Variants in RAB27B observed in about 807,000 individuals in gnomAD.
RAB27B encodes the protein RAB27B, member RAS oncogene family.
RAB27B carries 15 observed loss-of-function variants against 24.6 expected under a neutral mutation model. The ratio of observed to expected loss-of-function variants is 0.61; its 90% CI spans 0.41 to 0.94. RAB27B has a LOEUF of 0.94. Among genes scored for constraint, RAB27B ranks in the 40% least tolerant of loss-of-function variants. RAB27B has a pLI of 0.00. For missense variants in RAB27B, 261 were observed against 266.8 expected, an observed-to-expected ratio of 0.98 and a Z score of 0.15; for synonymous variants, 105 against 92.5, an observed-to-expected ratio of 1.14 and a Z score of -0.78.
chr18:54,776,412 T>G (rs927783296), intron 2 of RAB27B, among the ~76,000 whole-genome samples: 4 of 152,182 alleles, frequency 2.6e-5, no homozygotes, highest in African/African-American at 9.7e-5. Context: ...CAGGGATCAG[T>G]AAAGCCCAAC....
chr18:54,752,260 C>G (rs1021211192), intron 2 of RAB27B, among the ~76,000 whole-genome samples: 1 of 152,146 alleles, frequency 6.6e-6, no homozygotes, highest in African/African-American at 2.4e-5. Context: ...TTGGTTCATT[C>G]AGGCTTATGG....
intron 2 of RAB27B, among the ~76,000 whole-genome samples, chr18:54,743,619 T>C (rs1420485151): frequency 6.6e-6 from 1 of 152,126 alleles, no homozygotes; most frequent in East Asian, 1.9e-4. Context: ...GGATGCCTGG[T>C]CCTTGCATAG....
At chr18:54,767,406 T>G (rs1908398226) in intron 2 of RAB27B, among the ~76,000 whole-genome samples, 1 of 152,168 alleles carries the variant, frequency 6.6e-6, no homozygotes, top group Admixed American at 6.6e-5. Context: ...GGTGAGGTAA[T>G]GGTCATGAGG....
chr18:54,855,338 A>T (rs1159589036), intron 1 of RAB27B, among the ~76,000 whole-genome samples: 3 of 152,130 alleles, frequency 2.0e-5, no homozygotes, highest in Non-Finnish European at 4.4e-5. Context: ...GCCACTGACC[A>T]ATGGGACCAT....
intron 1 of RAB27B, among the ~76,000 whole-genome samples, chr18:54,850,333 G>GAGATATATATATATATATATAT (rs869079784): frequency 6.3e-5 from 6 of 95,172 alleles, no homozygotes; most frequent in African/African-American, 2.8e-4. Flanking sequence ...AAACAAACAG[G>GAGATATATATATATATATATAT]ATATATATAT....
intron 3 of RAB27B, among the ~76,000 whole-genome samples, chr18:54,882,476 A>G (rs1912963987): frequency 6.6e-6 from 1 of 152,204 alleles, no homozygotes; most frequent in Non-Finnish European, 1.5e-5. Context: ...ACAGGAAAAC[A>G]AAGACATAGG....
intron 2 of RAB27B, among the ~76,000 whole-genome samples, chr18:54,781,412 C>T (rs1598899956): frequency 6.6e-6 from 1 of 151,978 alleles, no homozygotes; most frequent in Non-Finnish European, 1.5e-5. Context: ...TTTGACCACA[C>T]TTTATTAGTA....
At chr18:54,847,686 A>C (rs1166195048) in intron 1 of RAB27B, among the ~76,000 whole-genome samples, 3 of 152,210 alleles carry the variant, frequency 2.0e-5, no homozygotes, top group Admixed American at 6.5e-5. Context: ...TGAGTAAACA[A>C]ACGTTCAGAA....
At chr18:54,788,623 A>G (rs1047261532) in intron 2 of RAB27B, among the ~76,000 whole-genome samples, 2 of 152,196 alleles carry the variant, frequency 1.3e-5, no homozygotes, top group African/African-American at 2.4e-5. Context: ...TTTGAGAACA[A>G]CAAGTCTACA....
intron 2 of RAB27B, among the ~76,000 whole-genome samples, chr18:54,750,506 A>G (rs1907798069): frequency 6.6e-6 from 1 of 152,126 alleles, no homozygotes; most frequent in Non-Finnish European, 1.5e-5. Flanking sequence ...CACTAAAGAA[A>G]CAAAGACCCA....
At chr18:54,828,025 T>C (rs895671238), upstream of RAB27B, among the ~76,000 whole-genome samples, 1 of 152,232 alleles carries the variant, frequency 6.6e-6, no homozygotes, top group East Asian at 1.9e-4. Context: ...TACTGATTAA[T>C]GCATTCATAC....
chr18:54,834,185 A>G (rs1469236097), intron 1 of RAB27B, among the ~76,000 whole-genome samples: 2 of 152,262 alleles, frequency 1.3e-5, no homozygotes, highest in East Asian at 1.9e-4. Flanking sequence ...TAGCTGCCAT[A>G]TAAAGCAAAT....
chr18:54,834,782 A>G (rs1910829752), intron 1 of RAB27B, among the ~76,000 whole-genome samples: 1 of 151,998 alleles, frequency 6.6e-6, no homozygotes, highest in African/African-American at 2.4e-5. Flanking sequence ...CGTTTAGGGA[A>G]AAAGCATAAG....
chr18:54,797,157 A>T (rs8088141), intron 2 of RAB27B, among the ~76,000 whole-genome samples: 66,148 of 152,106 alleles, frequency 0.43, 15,792 homozygotes, highest in Middle Eastern at 0.56. Flanking sequence ...TTGAGTGCAA[A>T]TGTGTGCACA....
intron 4 of RAB27B, 146 bp from the exon 5 acceptor site, chr18:54,887,849 T>A: frequency 1.2e-6 from 1 of 831,672 alleles, no homozygotes; most frequent in Non-Finnish European, 1.8e-6. Flanking sequence ...ACATTGTGAC[T>A]GGGAAGAGGA....
At chr18:54,813,523 G>A (rs150438819) in intron 2 of RAB27B, among the ~76,000 whole-genome samples, 46 of 152,278 alleles carry the variant, frequency 3.0e-4, no homozygotes, top group African/African-American at 1.1e-3. Context: ...CAAAGAGCAT[G>A]GCACCTCTGC....
At chr18:54,832,611 T>A (rs984480677) in intron 1 of RAB27B, among the ~76,000 whole-genome samples, 2 of 151,962 alleles carry the variant, frequency 1.3e-5, no homozygotes, top group African/African-American at 2.4e-5. Flanking sequence ...AGAGAAAAAA[T>A]TGGGGCTTGA....
chr18:54,742,376 C>T (rs899947146), intron 2 of RAB27B, among the ~76,000 whole-genome samples: 1 of 152,130 alleles, frequency 6.6e-6, no homozygotes, highest in Non-Finnish European at 1.5e-5. Flanking sequence ...TATAAGCATC[C>T]TAGCTTGTTT....
rs1368315567 is a variant in RAB27B, at chr18:54,850,355, TATATAC to T, written c.-20+21659_-20+21664del. Among the ~76,000 whole-genome samples, 4 of 138,634 alleles carry T rather than the reference TATATAC, an allele frequency of 2.9e-5. 1 individual carries two copies. The highest frequency in any genetic ancestry group is 4.1e-4 in the East Asian group (2 of 4,832). The allele number at this position is 138,634 out of a possible 152,430, so 90.9% of individuals were successfully genotyped here. On this transcript the variant is annotated intron_variant, in intron 1 of 5. Coordinates refer to ENST00000262094, the MANE Select transcript of RAB27B (RefSeq NM_004163.4). The stretch of plus-strand genomic sequence containing the variant: ...CAGGATATATATATATATATATATA[TATATAC>T]ATACATACATATGTTTAGTTTTTTT...
Sources: allele counts gnomAD v4.1 joint callset (sites outside exome capture counted in the v4.1 genomes callset), GRCh38; gene constraint gnomAD v4.1.1; transcripts MANE v1.5; gene names NCBI Gene and HGNC (gene_info 2026-07-23, HGNC 2026-07-21).